The following MAGEC3 variants were observed in gnomAD, a reference collection of about 807,000 sequenced individuals.
MAGEC3 encodes the protein melanoma-associated antigen C3.
In MAGEC3, 34 loss-of-function variants were observed where a neutral mutation model predicts 35.3. The observed-to-expected ratio is 0.96, with a 90% CI of 0.73 to 1.28. MAGEC3 has a LOEUF of 1.28. Among genes scored for constraint, MAGEC3 ranks in the 50% most tolerant of loss-of-function variants. The probability of loss-of-function intolerance (pLI) is 0.00; values close to 1 mark genes in which losing one functional copy is unlikely to be tolerated. For missense variants in MAGEC3, 561 were observed against 483.6 expected, an observed-to-expected ratio of 1.16 and a Z score of -1.50; for synonymous variants, 202 against 185.6, an observed-to-expected ratio of 1.09 and a Z score of -0.72.
At chrX:141,848,349 C>G (rs1272937348) in intron 1 of MAGEC3, among the ~76,000 whole-genome samples, 1 of 110,171 alleles carries the variant, frequency 9.1e-6, no homozygotes, top group Non-Finnish European at 1.9e-5. Context: ...TCTATCTTCA[C>G]TGACAATATG....
At chrX:141,866,120 C>T (rs41465746) in intron 2 of MAGEC3, among the ~76,000 whole-genome samples, 2,361 of 111,630 alleles carry the variant, frequency 0.021, 16 homozygotes, top group Middle Eastern at 0.038. Flanking sequence ...TCCGTTTCCA[C>T]TCTTAGCCCT....
In MAGEC3 at chrX:141,897,200, A is replaced by T. The variant is rs1481074793; in HGVS notation, c.1442A>T (p.Glu481Val). 1.7e-6 allele frequency: 2 copies of T among 1,212,108 alleles called. No homozygotes were observed. The highest frequency in any genetic ancestry group is 2.2e-6 in the Non-Finnish European group (2 of 895,510). Residue 481 changes from glutamate to valine, a missense_variant, in exon 7 of 8, where the codon GAG (glutamate) becomes GTG (valine). Coordinates refer to ENST00000298296, the MANE Select transcript of MAGEC3 (RefSeq NM_138702.1). Reference protein sequence around the residue: ...YQTKEPVTKAEMLTTVIKKYK... With the variant: ...YQTKEPVTKAVMLTTVIKKYK... ...ACAAAAGAGCCTGTCACAAAGGCAG[A>T]GATGCTGACGACTGTCATCAAGAAG...
intron 1 of MAGEC3, among the ~76,000 whole-genome samples, chrX:141,861,600 T>C (rs2017815283): frequency 9.0e-6 from 1 of 110,952 alleles, no homozygotes; most frequent in African/African-American, 3.3e-5. Flanking sequence ...TGGAATGAAA[T>C]GAAAAACCCA....
intron 1 of MAGEC3, 93 bp downstream of exon 1, chrX:141,838,531 C>T: frequency 8.9e-7 from 1 of 1,117,940 alleles, no homozygotes; most frequent in African/African-American, 1.8e-5. Context: ...GGCTCCAAGA[C>T]AGTGTGCAGT....
intron 4 of MAGEC3, 143 bp downstream of exon 4, chrX:141,881,939 C>A: frequency 1.2e-6 from 1 of 836,671 alleles, no homozygotes; most frequent in Non-Finnish European, 1.7e-6. Flanking sequence ...GGTCCTAGAG[C>A]CCATTCAGAA....
intron 7 of MAGEC3, 63 bp downstream of exon 7, chrX:141,897,549 G>A (rs1441959547): frequency 8.4e-7 from 1 of 1,194,288 alleles, no homozygotes; most frequent in Non-Finnish European, 1.1e-6. Context: ...CTATACATTG[G>A]GTGCAGAGAA....
At chrX:141,874,137 A>T (rs1038075203) in intron 2 of MAGEC3, among the ~76,000 whole-genome samples, 3 of 112,449 alleles carry the variant, frequency 2.7e-5, no homozygotes, top group Non-Finnish European at 5.6e-5. Flanking sequence ...AGCTAATTAT[A>T]CCAGAACAAG....
chrX:141,841,919 A>G (rs949914518), intron 1 of MAGEC3, among the ~76,000 whole-genome samples: 1 of 112,094 alleles, frequency 8.9e-6, no homozygotes, highest in Non-Finnish European at 1.9e-5. Flanking sequence ...GGGCTTCAGT[A>G]TGAAAGATCT....
At chrX:141,892,131 C>T (rs992512564) in intron 4 of MAGEC3, among the ~76,000 whole-genome samples, 4 of 111,276 alleles carry the variant, frequency 3.6e-5, no homozygotes, top group Non-Finnish European at 3.8e-5. Flanking sequence ...GACTACCAGA[C>T]TCCAAAACTG....
chrX:141,843,763 C>T (rs908876615), intron 1 of MAGEC3, among the ~76,000 whole-genome samples: 2 of 110,735 alleles, frequency 1.8e-5, no homozygotes, highest in African/African-American at 3.3e-5. Context: ...AGCGTGCCCC[C>T]ATAGGGTTTT....
intron 4 of MAGEC3, among the ~76,000 whole-genome samples, chrX:141,894,122 A>AT (rs2124128305): frequency 8.9e-6 from 1 of 112,009 alleles, no homozygotes; most frequent in East Asian, 2.8e-4. Context: ...AACTGCAAAC[A>AT]GAGCATAGTT....
chrX:141,849,557 T>A (rs1326713287), intron 1 of MAGEC3, among the ~76,000 whole-genome samples: 1 of 109,998 alleles, frequency 9.1e-6, no homozygotes, highest in African/African-American at 3.3e-5. Flanking sequence ...TAAGGAAAAA[T>A]CAACCCTATT....
chrX:141,841,523 T>C (rs780677208), intron 1 of MAGEC3, among the ~76,000 whole-genome samples: 87 of 111,773 alleles, frequency 7.8e-4, no homozygotes, highest in Non-Finnish European at 1.4e-3. Flanking sequence ...AGTCAAAAAA[T>C]AAGAAATCAA....
chrX:141,848,680 AT>A (rs1242959845), intron 1 of MAGEC3, among the ~76,000 whole-genome samples: 41 of 111,535 alleles, frequency 3.7e-4, no homozygotes, highest in African/African-American at 1.3e-3. Flanking sequence ...AAGAATTAAT[AT>A]TGTTAAGATG....
At chrX:141,887,731 C>T (rs1430547124) in intron 4 of MAGEC3, among the ~76,000 whole-genome samples, 2 of 112,015 alleles carry the variant, frequency 1.8e-5, no homozygotes, top group Non-Finnish European at 3.8e-5. Flanking sequence ...GCCATATGAT[C>T]CAGCAGATCC....
At position 141,881,799 on chromosome X, in the gene MAGEC3, G is replaced by A; in HGVS notation, c.909+3G>A. ...GGGAAGTGCTGAATGCAATAGGGGTGTGTGCTCAGAGGGAGCATTTCGTCT... is the reference window on the plus strand; with the variant it reads ...GGGAAGTGCTGAATGCAATAGGGGTATGTGCTCAGAGGGAGCATTTCGTCT... On this transcript the variant is annotated splice_donor_region_variant and intron_variant, in intron 4 of 7. Transcript: ENST00000298296. 5.0e-6 allele frequency: 6 copies of A among 1,211,446 alleles called. No individual in the cohort carries two copies. Among genetic ancestry groups the A allele is most frequent in the Admixed American group, 2.2e-5 (1 of 46,026 alleles).
intron 1 of MAGEC3, among the ~76,000 whole-genome samples, chrX:141,856,653 C>G (rs961616115): frequency 1.8e-5 from 2 of 111,245 alleles, no homozygotes; most frequent in African/African-American, 6.5e-5. Context: ...TGGAATCAAC[C>G]TAAGTGTTCA....
At chrX:141,861,618 A>G (rs1200981326) in intron 1 of MAGEC3, among the ~76,000 whole-genome samples, 1 of 111,439 alleles carries the variant, frequency 9.0e-6, no homozygotes, top group African/African-American at 3.3e-5. Flanking sequence ...CCAAAAACAA[A>G]TCCATATATT....
chrX:141,895,124 G>A, intron 4 of MAGEC3, 145 bp from the exon 5 acceptor site: 1 of 517,014 alleles, frequency 1.9e-6, no homozygotes. Context: ...AGGGAGGTGG[G>A]CACAAAGGGG....
Sources: allele counts gnomAD v4.1 joint callset (sites outside exome capture counted in the v4.1 genomes callset), GRCh38; gene constraint gnomAD v4.1.1; transcripts MANE v1.5; gene names NCBI Gene and HGNC (gene_info 2026-07-23, HGNC 2026-07-21).